APOBR: variants seen among roughly 807,000 people sequenced by gnomAD.
APOBR encodes the protein apoB-48R.
Under a neutral mutation model 88.5 loss-of-function variants are expected in APOBR, and 57 were observed. The observed-to-expected ratio is 0.64, with a 90% CI of 0.52 to 0.80. The LOEUF (loss-of-function observed/expected upper bound fraction) is 0.80. APOBR is among the 30% of genes least tolerant of loss of function. APOBR has a pLI of 0.00. For missense variants in APOBR, 1,443 were observed against 1,401.6 expected (o/e 1.03, Z -0.47); for synonymous variants, 588 against 572.7 (o/e 1.03, Z -0.38).
At position 28,494,674 on chromosome 16, in the gene APOBR, C is replaced by A; in HGVS notation, c.-8C>A. ...AGCTTTCTGGACACACAGACAGAGA[C>A]AGACAGGATGGACTTCCTCCGGCTA... On this transcript the variant is annotated 5_prime_UTR_variant, in exon 1 of 4. Transcript: ENST00000564831. The A allele has an allele frequency of 6.2e-7, 1 of 1,611,508 alleles. No individual in the cohort carries two copies. Among genetic ancestry groups the A allele is most frequent in the Non-Finnish European group, 8.5e-7 (1 of 1,178,468 alleles).
rs1414358259 is a variant in APOBR, at chr16:28,498,849, A to G, written c.*344A>G. 1.2e-5 allele frequency: 7 copies of G among 575,626 alleles called. No individual in the cohort carries two copies. Among genetic ancestry groups the G allele is most frequent in the Non-Finnish European group, 1.9e-5 (6 of 312,466 alleles). The allele number at this position is 575,626 out of a possible 1,614,324, so 35.7% of individuals were successfully genotyped here. A position where few individuals can be genotyped will look rare whatever the true frequency, so the allele number is the denominator to read the frequency against. ...TGTCACCCCAGAGCTTTGGGAGGCC[A>G]AGGTGGGAGGATCGCTTGAGACCAG... On this transcript the variant is annotated 3_prime_UTR_variant, in exon 4 of 4. Coordinates refer to ENST00000564831, the MANE Select transcript of APOBR (RefSeq NM_018690.4).
chr16:28,495,737 T>C lies in APOBR; in HGVS notation c.696T>C (p.Asp232=), dbSNP rs1315753108. The change falls in exon 2 of 4, where the codon GAT becomes GAC. Residue 232 remains aspartate (D), a synonymous_variant. Coordinates refer to ENST00000564831, the MANE Select transcript of APOBR (RefSeq NM_018690.4). ...REMEQGVREA[D]AGETEEPGAE... is the part of the protein sequence containing the mutation. ...TGGAGCAGGGGGTCAGGGAGGCAGA[T>C]GCAGGGGAAACTGAGGAGCCTGGGG... 3 of 1,536,520 alleles carry C rather than the reference T, an allele frequency of 2.0e-6. No individual in the cohort carries two copies. In the East Asian group the frequency reaches 7.2e-5, roughly 37 times the overall value.
Position 28,497,719 on chromosome 16 carries a change from A to G in APOBR, c.2678A>G (p.Glu893Gly). The stretch of plus-strand genomic sequence containing the variant: ...GAAGAAGAGGCTGTTGGATGGCAGG[A>G]GAGAGAACAGAGGGAAGACAGTGAG... ...LLEEEAVGWQ[E>G]REQREDSEGR... Residue 893 changes from glutamate to glycine, a missense_variant, in exon 2 of 4, where the codon GAG becomes GGG. Glu to Gly is a moderately conservative substitution (Grantham distance 98). Transcript: ENST00000564831. The G allele has an allele frequency of 6.2e-7, 1 of 1,604,396 alleles. No individual in the cohort carries two copies. Among genetic ancestry groups the G allele is most frequent in the Non-Finnish European group, 8.5e-7 (1 of 1,175,760 alleles).
At chr16:28,498,025 G>A (rs750579294) in intron 2 of APOBR, 29 bp downstream of exon 2, 3 of 1,555,218 alleles carry the variant, frequency 1.9e-6, no homozygotes, top group Admixed American at 1.9e-5. Flanking sequence ...GTCTCGGGGG[G>A]AACGAGTGGA....
At position 28,496,936 on chromosome 16, in the gene APOBR, T is replaced by C; in HGVS notation, c.1895T>C (p.Met632Thr). 8 of 1,560,076 alleles carry C rather than the reference T, an allele frequency of 5.1e-6. No homozygotes were observed. Among genetic ancestry groups the C allele is most frequent in the Non-Finnish European group, 6.9e-6 (8 of 1,152,860 alleles). ...GAWENRTRKD[M>T]ERGNTQEDAA... ...TGGGAAAACCGCACGAGAAAGGACATGGAGAGAGGAAATACTCAGGAGGAT... is the reference window on the plus strand; with the variant it reads ...TGGGAAAACCGCACGAGAAAGGACACGGAGAGAGGAAATACTCAGGAGGAT... Residue 632 changes from methionine to threonine, a missense_variant, in exon 2 of 4, where the codon ATG (methionine) becomes ACG (threonine). By Grantham distance (81) the Met-to-Thr change is moderately conservative. Transcript: ENST00000564831.
chr16:28,498,390 C>A (rs771610685), intron 3 of APOBR, 41 bp downstream of exon 3: 4 of 1,597,648 alleles, frequency 2.5e-6, no homozygotes, highest in South Asian at 1.1e-5. Context: ...GAAGAGACCG[C>A]GGGCACCTGG....
In APOBR at chr16:28,496,815, G is replaced by A. The variant is rs1209954287; in HGVS notation, c.1774G>A (p.Ala592Thr). Residue 592 changes from alanine (A) to threonine (T), a missense_variant, in exon 2 of 4, where the codon GCC becomes ACC. Coordinates refer to ENST00000564831, the MANE Select transcript of APOBR (RefSeq NM_018690.4). ...AGEVELMGVL[A>T]LSKEEQERSL... ...GGAGGTGGAGCTCATGGGAGTTCTGGCCCTGAGCAAAGAGGAGCAGGAGAG... is the reference window on the plus strand; with the variant it reads ...GGAGGTGGAGCTCATGGGAGTTCTGACCCTGAGCAAAGAGGAGCAGGAGAG... 1 of 1,563,022 alleles carries A rather than the reference G, an allele frequency of 6.4e-7. No homozygotes were observed.
chr16:28,497,727 C>T lies in APOBR; in HGVS notation c.2686C>T (p.Gln896Ter). The part of the protein sequence containing the change: ...EEAVGWQERE[Q>*]REDSEGRCGD... ...GGCTGTTGGATGGCAGGAGAGAGAA[C>T]AGAGGGAAGACAGTGAGGGGCGGTG... Residue 896 changes from glutamine (Q) to a stop codon, truncating the protein, a stop_gained, in exon 2 of 4, where the codon CAG (glutamine) becomes TAG (stop). Transcript: ENST00000564831. LOFTEE classifies it high-confidence loss of function. The T allele has an allele frequency of 1.2e-6, 2 of 1,604,952 alleles. No individual in the cohort carries two copies. Among genetic ancestry groups the T allele is most frequent in the South Asian group, 1.1e-5 (1 of 89,614 alleles).
In APOBR at chr16:28,495,524, G is replaced by A; in HGVS notation, c.483G>A (p.Glu161=). ...DRSGQAQERQ[E]SHEQEVNREE... ...GCGGCCAAGCCCAGGAGAGGCAGGA[G>A]TCCCATGAGCAGGAAGTGAACAGAG... The change falls in exon 2 of 4, where the codon GAG becomes GAA. Residue 161 remains glutamate, a synonymous_variant. Coordinates refer to ENST00000564831, the MANE Select transcript of APOBR (RefSeq NM_018690.4). The A allele has an allele frequency of 6.4e-7, 1 of 1,568,464 alleles. No homozygotes were observed. The highest frequency in any genetic ancestry group is 8.6e-7 in the Non-Finnish European group (1 of 1,157,030).
chr16:28,496,854 G>A lies in APOBR; in HGVS notation c.1813G>A (p.Gly605Ser), dbSNP rs1172203720. 1.3e-6 allele frequency: 2 copies of A among 1,559,430 alleles called. No individual in the cohort carries two copies. Among genetic ancestry groups the A allele is most frequent in the African/African-American group, 1.4e-5 (1 of 73,568 alleles). Residue 605 changes from glycine (G) to serine (S), a missense_variant, in exon 2 of 4, where the codon GGT (glycine) becomes AGT (serine). By Grantham distance (56) the Gly-to-Ser change is moderately conservative. Transcript: ENST00000564831. Reference sequence around the variant, plus strand: ...GGAGCAGGAGAGGAGCCTGGAGGCAGGTCCCAGGCACGCGGGGTCTGTAAA... The same window carrying A: ...GGAGCAGGAGAGGAGCCTGGAGGCAAGTCCCAGGCACGCGGGGTCTGTAAA... ...KEEQERSLEA[G>S]PRHAGSVKPE...
In APOBR at chr16:28,495,212, G is replaced by A; in HGVS notation, c.171G>A (p.Lys57=). ...LGVVAVGKTG[K]IVEEEAQEDL... ...TGGTGGCGGTGGGAAAGACAGGGAA[G>A]ATTGTAGAGGAGGAAGCCCAGGAGG... The change falls in exon 2 of 4, where the codon AAG becomes AAA. Residue 57 remains lysine (K), a synonymous_variant. Coordinates refer to ENST00000564831, the MANE Select transcript of APOBR (RefSeq NM_018690.4). 1.3e-6 allele frequency: 2 copies of A among 1,556,828 alleles called. No homozygotes were observed. Among genetic ancestry groups the A allele is most frequent in the Non-Finnish European group, 8.7e-7 (1 of 1,154,984 alleles).
chr16:28,495,341 C>A lies in APOBR; in HGVS notation c.300C>A (p.Thr100=). Residue 100 remains threonine (T), a synonymous_variant, in exon 2 of 4, where the codon ACC becomes ACA. Transcript: ENST00000564831. The part of the protein sequence containing the change: ...HEVGSSAVEQ[T]WGWGDGSSHG... ...TGGGGAGCTCAGCTGTAGAACAGAC[C>A]TGGGGCTGGGGAGATGGCAGCTCCC... is the stretch of plus-strand genomic sequence containing the variant. The A allele has an allele frequency of 6.4e-7, 1 of 1,556,226 alleles. No homozygotes were observed.
At position 28,496,125 on chromosome 16, in the gene APOBR, G is replaced by A. The variant is rs1280577641; in HGVS notation, c.1084G>A (p.Glu362Lys). Residue 362 changes from glutamate to lysine, a missense_variant, in exon 2 of 4, where the codon GAG becomes AAG. Physicochemically the swap from Glu to Lys is moderately conservative, Grantham distance 56. Coordinates refer to ENST00000564831, the MANE Select transcript of APOBR (RefSeq NM_018690.4). The part of the protein sequence containing the change: ...EEAGTASGGE[E>K]AGTASGGDEA... ...GGCCGGGACAGCCTCAGGAGGGGAGGAGGCCGGGACAGCCTCAGGAGGGGA... is the reference window on the plus strand; with the variant it reads ...GGCCGGGACAGCCTCAGGAGGGGAGAAGGCCGGGACAGCCTCAGGAGGGGA... 2 of 1,529,286 alleles carry A rather than the reference G, an allele frequency of 1.3e-6. No homozygotes were observed. The highest frequency in any genetic ancestry group is 1.8e-6 in the Non-Finnish European group (2 of 1,141,214). The allele number at this position is 1,529,286 out of a possible 1,614,324, so 94.7% of individuals were successfully genotyped here. A position where few individuals can be genotyped will look rare whatever the true frequency, so the allele number is the denominator to read the frequency against.
rs2046386093 is a variant in APOBR at position 28,495,798 on chromosome 16, G to C, written c.757G>C (p.Val253Leu). 1.1e-5 allele frequency: 18 copies of C among 1,596,004 alleles called. No homozygotes were observed. The highest frequency in any genetic ancestry group is 1.5e-5 in the Non-Finnish European group (18 of 1,171,850). ...GAGKGEEVVV[V>L]EKACESTRAW... is the part of the protein sequence containing the mutation. ...TGGGAAAGGAGAAGAGGTGGTAGTGGTGGAGAAGGCCTGTGAAAGCACTAG... is the reference window on the plus strand; with the variant it reads ...TGGGAAAGGAGAAGAGGTGGTAGTGCTGGAGAAGGCCTGTGAAAGCACTAG... The change falls in exon 2 of 4, where the codon GTG becomes CTG. Residue 253 changes from valine to leucine, a missense_variant. Val to Leu is a conservative substitution (Grantham distance 32, BLOSUM62 1). Coordinates refer to ENST00000564831, the MANE Select transcript of APOBR (RefSeq NM_018690.4).
Position 28,498,558 on chromosome 16 carries a change from C to G in APOBR, c.*53C>G. On this transcript the variant is annotated 3_prime_UTR_variant, in exon 4 of 4. Coordinates refer to ENST00000564831, the MANE Select transcript of APOBR (RefSeq NM_018690.4). ...CCCTGAGTGGGTGCCAGAAGGCTTG[C>G]TCCAATGCCACTGAGCCCTGCTCCC... 6.5e-7 allele frequency: 1 copy of G among 1,539,210 alleles called. No individual in the cohort carries two copies. The highest frequency in any genetic ancestry group is 8.8e-7 in the Non-Finnish European group (1 of 1,141,158).
Position 28,497,073 on chromosome 16 carries a change from G to A in APOBR, c.2032G>A (p.Gly678Arg), listed in dbSNP as rs148077878. ...SELSEVPEAG[G>R]EGLTTQDAGC... ...ACTATCAGAAGTCCCAGAGGCAGGC[G>A]GGGAGGGGCTGACAACCCAGGACGC... The change falls in exon 2 of 4, where the codon GGG (glycine) becomes AGG (arginine). Residue 678 changes from glycine (G) to arginine (R), a missense_variant. Coordinates refer to ENST00000564831, the MANE Select transcript of APOBR (RefSeq NM_018690.4). 1.6e-5 allele frequency: 25 copies of A among 1,593,824 alleles called. No homozygotes were observed. Among genetic ancestry groups the A allele is most frequent in the East Asian group, 1.1e-4 (5 of 44,146 alleles).
Position 28,498,601 on chromosome 16 carries a change from A to G in APOBR, c.*96A>G. The G allele has an allele frequency of 7.3e-7, 1 of 1,365,004 alleles. No individual in the cohort carries two copies. Among genetic ancestry groups the G allele is most frequent in the Non-Finnish European group, 1.0e-6 (1 of 1,003,068 alleles). 84.6% of individuals were successfully genotyped at this position (1,365,004 alleles called of 1,614,324 possible). A position where few individuals can be genotyped will look rare whatever the true frequency, so the allele number is the denominator to read the frequency against. ...CTGCTCCCTCTGCCACTGTGGACAC[A>G]TCCTCTCCACCCTCTGGGCCTCAGT... is the stretch of plus-strand genomic sequence containing the variant. On this transcript the variant is annotated 3_prime_UTR_variant, in exon 4 of 4. Transcript: ENST00000564831.
Position 28,496,834 on chromosome 16 carries a change from A to C in APOBR, c.1793A>C (p.Gln598Pro). 2.6e-6 allele frequency: 4 copies of C among 1,560,720 alleles called. No individual in the cohort carries two copies. Among genetic ancestry groups the C allele is most frequent in the Non-Finnish European group, 3.5e-6 (4 of 1,152,214 alleles). The stretch of plus-strand genomic sequence containing the variant: ...GTTCTGGCCCTGAGCAAAGAGGAGC[A>C]GGAGAGGAGCCTGGAGGCAGGTCCC... ...MGVLALSKEE[Q>P]ERSLEAGPRH... is the part of the protein sequence containing the mutation. The change falls in exon 2 of 4, where the codon CAG becomes CCG. Residue 598 changes from glutamine to proline, a missense_variant. Transcript: ENST00000564831.
In APOBR at chr16:28,495,654, G is replaced by T; in HGVS notation, c.613G>T (p.Glu205Ter). 6.5e-7 allele frequency: 1 copy of T among 1,548,892 alleles called. No individual in the cohort carries two copies. Among genetic ancestry groups the T allele is most frequent in the South Asian group, 1.2e-5 (1 of 83,796 alleles). ...GAESEWTWHG[E>*]TEGKAGAVGP... ...GGAGTCAGAGTGGACCTGGCATGGGGAGACGGAGGGGAAGGCTGGTGCTGT... is the reference window on the plus strand; with the variant it reads ...GGAGTCAGAGTGGACCTGGCATGGGTAGACGGAGGGGAAGGCTGGTGCTGT... The change falls in exon 2 of 4, where the codon GAG becomes TAG. Residue 205 changes from glutamate to a stop codon, truncating the protein, a stop_gained. Coordinates refer to ENST00000564831, the MANE Select transcript of APOBR (RefSeq NM_018690.4). LOFTEE classifies it high-confidence loss of function.
Sources: gnomAD v4.1 joint callset for allele counts on GRCh38, gnomAD v4.1.1 for gene constraint, MANE v1.5 for transcripts, NCBI Gene and HGNC (gene_info 2026-07-23, HGNC 2026-07-21) for gene names.